GFOD1: variants seen among roughly 807,000 people sequenced by gnomAD.
GFOD1 encodes the protein Gfo/Idh/MocA-like oxidoreductase domain containing 1.
A neutral mutation model predicts 25.4 loss-of-function variants in GFOD1; 9 were observed. The observed-to-expected ratio is 0.35, with a 90% CI of 0.21 to 0.62. The LOEUF (loss-of-function observed/expected upper bound fraction) is 0.62, where lower values mean the gene tolerates loss of function less well. Among genes scored for constraint, GFOD1 ranks in the 20% least tolerant of loss-of-function variants. The pLI is 0.72. For synonymous variants in GFOD1, 253 were observed against 245.6 expected (o/e 1.03, Z -0.28); for missense variants, 403 against 556.9 (o/e 0.72, Z 2.78).
intron 1 of GFOD1, among the ~76,000 whole-genome samples, chr6:13,369,067 A>G (rs1165972170): frequency 1.3e-5 from 2 of 152,234 alleles, no homozygotes; most frequent in African/African-American, 4.8e-5. Context: ...TATATATGAT[A>G]TGGCTCCACA....
At chr6:13,458,238 C>T (rs1399795271) in intron 1 of GFOD1, among the ~76,000 whole-genome samples, 3 of 152,080 alleles carry the variant, frequency 2.0e-5, no homozygotes. Context: ...CTGCCCCAGC[C>T]TCCCGAGTAG....
intron 1 of GFOD1, among the ~76,000 whole-genome samples, chr6:13,440,671 T>A (rs1453551740): frequency 6.6e-6 from 1 of 152,236 alleles, no homozygotes; most frequent in African/African-American, 2.4e-5. Flanking sequence ...TGCTACCAGA[T>A]GTTTTCAGAA....
intron 1 of GFOD1, among the ~76,000 whole-genome samples, chr6:13,441,913 G>T (rs1757921969): frequency 6.6e-6 from 1 of 152,206 alleles, no homozygotes; most frequent in Non-Finnish European, 1.5e-5. Flanking sequence ...GGCTGCTCAG[G>T]ATACAAGGAG....
intron 1 of GFOD1, among the ~76,000 whole-genome samples, chr6:13,387,190 C>T (rs1785491796): frequency 6.6e-6 from 1 of 152,262 alleles, no homozygotes. Context: ...CTTCTCAGAG[C>T]CATTAATGTT....
intron 1 of GFOD1, among the ~76,000 whole-genome samples, chr6:13,367,746 C>T (rs1053802874): frequency 6.7e-6 from 1 of 148,758 alleles, no homozygotes; most frequent in African/African-American, 2.6e-5. Flanking sequence ...GGAGAAACAG[C>T]CAACTGGAGG....
At chr6:13,461,637 T>C (rs1268698016) in intron 1 of GFOD1, among the ~76,000 whole-genome samples, 1 of 152,202 alleles carries the variant, frequency 6.6e-6, no homozygotes, top group Non-Finnish European at 1.5e-5. Context: ...CAGCTGCATC[T>C]GTGAGTGGTG....
chr6:13,390,326 C>T (rs1047059125), intron 1 of GFOD1, among the ~76,000 whole-genome samples: 1 of 152,100 alleles, frequency 6.6e-6, no homozygotes, highest in African/African-American at 2.4e-5. Flanking sequence ...CATGGTGGCT[C>T]AGGCCTGTAA....
At chr6:13,449,254 G>T (rs1758055395) in intron 1 of GFOD1, among the ~76,000 whole-genome samples, 1 of 152,208 alleles carries the variant, frequency 6.6e-6, no homozygotes. Flanking sequence ...CTGTGCCAGT[G>T]TAGTCCAGCT....
chr6:13,397,426 C>T (rs543404460), intron 1 of GFOD1, among the ~76,000 whole-genome samples: 7 of 152,350 alleles, frequency 4.6e-5, no homozygotes, highest in South Asian at 2.1e-4. Flanking sequence ...TCGGGCCTGC[C>T]GTGAGAAAGT....
chr6:13,486,467 G>A (rs1758873169), intron 1 of GFOD1, 171 bp downstream of exon 1: 1 of 647,262 alleles, frequency 1.5e-6, no homozygotes, highest in East Asian at 2.7e-5. Flanking sequence ...GGGAAGGCCG[G>A]GGACGAGGAA....
chr6:13,466,414 C>T (rs1201125694), intron 1 of GFOD1, among the ~76,000 whole-genome samples: 1 of 152,152 alleles, frequency 6.6e-6, no homozygotes, highest in African/African-American at 2.4e-5. Flanking sequence ...GGCTTTCCAC[C>T]CACACAGATT....
Position 13,486,876 on chromosome 6 carries a change from C to T in GFOD1, c.15G>A (p.Val5=), listed in dbSNP as rs756397373. ...CCGTGAGGCTGGTGCCGAACACGCC[C>T]ACCCCGGGAAGCATGGCTGCTCAGA... MLPG[V]GVFGTSLTAR... The change falls in exon 1 of 2, where the codon GTG becomes GTA. Residue 5 remains valine, a synonymous_variant. Transcript: ENST00000379287. 6.2e-7 allele frequency: 1 copy of T among 1,610,868 alleles called. No homozygotes were observed. Among genetic ancestry groups the T allele is most frequent in the South Asian group, 1.1e-5 (1 of 91,058 alleles).
intron 1 of GFOD1, among the ~76,000 whole-genome samples, chr6:13,479,934 T>G (rs1758711019): frequency 6.6e-6 from 1 of 152,176 alleles, no homozygotes; most frequent in South Asian, 2.1e-4. Context: ...AATGCAGGGT[T>G]TGCTAGGATG....
chr6:13,443,891 C>T (rs1757958508), intron 1 of GFOD1, among the ~76,000 whole-genome samples: 1 of 151,666 alleles, frequency 6.6e-6, no homozygotes, highest in South Asian at 2.1e-4. Context: ...AGTCAGCAGC[C>T]ATCAACATCA....
At position 13,358,591 on chromosome 6, in the gene GFOD1, T is replaced by C. The variant is rs1163567258; in HGVS notation, c.*6152A>G. The C allele has an allele frequency of 6.6e-6, 1 of 152,244 alleles. No individual in the cohort carries two copies. Among genetic ancestry groups the C allele is most frequent in the Non-Finnish European group, 1.5e-5 (1 of 68,058 alleles). 9.4% of individuals were successfully genotyped at this position (152,244 alleles called of 1,614,324 possible). A position where few individuals can be genotyped will look rare whatever the true frequency, so the allele number is the denominator to read the frequency against. The stretch of plus-strand genomic sequence containing the variant: ...AGGAATGGGTCAGATCACAAGCTTT[T>C]GTTTTGTTTCTTAGCCTGGGATTAG... On this transcript the variant is annotated 3_prime_UTR_variant, in exon 2 of 2. Coordinates refer to ENST00000379287, the MANE Select transcript of GFOD1 (RefSeq NM_018988.4).
intron 1 of GFOD1, among the ~76,000 whole-genome samples, chr6:13,373,741 A>AACACACACACAC (rs10530031): frequency 0.025 from 3,222 of 129,524 alleles, 150 homozygotes; most frequent in African/African-American, 0.086. Context: ...CTGCTCCCCC[A>AACACACACACAC]ACACACACAC....
At chr6:13,394,105 GT>G (rs1785678330) in intron 1 of GFOD1, among the ~76,000 whole-genome samples, 1 of 152,104 alleles carries the variant, frequency 6.6e-6, no homozygotes, top group Admixed American at 6.5e-5. Context: ...ATAATGTACA[GT>G]TATTGTGCAA....
chr6:13,408,585 A>G (rs1441716422), intron 1 of GFOD1, among the ~76,000 whole-genome samples: 1 of 152,130 alleles, frequency 6.6e-6, no homozygotes, highest in Admixed American at 6.6e-5. Context: ...TCCAGCCAGG[A>G]GCAAACAGAA....
chr6:13,445,192 A>G (rs1327474359), intron 1 of GFOD1, among the ~76,000 whole-genome samples: 1 of 152,228 alleles, frequency 6.6e-6, no homozygotes, highest in Non-Finnish European at 1.5e-5. Flanking sequence ...ATTCCGGTGA[A>G]GGTATCGGCT....
Sources: gnomAD v4.1 joint callset for allele counts (sites outside exome capture counted in the v4.1 genomes callset) on GRCh38, gnomAD v4.1.1 for gene constraint, MANE v1.5 for transcripts, NCBI Gene and HGNC (gene_info 2026-07-23, HGNC 2026-07-21) for gene names.